TTC6: variants seen among roughly 807,000 people sequenced by gnomAD.
TTC6 encodes the protein tetratricopeptide repeat protein 6.
A neutral mutation model predicts 210.4 loss-of-function variants in TTC6; 172 were observed. The observed-to-expected ratio is 0.82, with a 90% CI of 0.72 to 0.93. The LOEUF (loss-of-function observed/expected upper bound fraction) is 0.93, where lower values mean the gene tolerates loss of function less well. TTC6 is among the 40% of genes least tolerant of loss of function. The pLI is 0.00. For missense variants in TTC6, 2,414 were observed against 2,318.1 expected (o/e 1.04, Z -0.85); for synonymous variants, 804 against 819.6 (o/e 0.98, Z 0.32).
chr14:37,695,720 A>G (rs1425110215), intron 3 of TTC6, among the ~76,000 whole-genome samples: 1 of 152,180 alleles, frequency 6.6e-6, no homozygotes, highest in African/African-American at 2.4e-5. Flanking sequence ...TTTGTAACAC[A>G]AAGGAAAAAT....
chr14:37,672,130 A>T (rs1333978115), intron 1 of TTC6, among the ~76,000 whole-genome samples: 1 of 152,198 alleles, frequency 6.6e-6, no homozygotes, highest in Non-Finnish European at 1.5e-5. Flanking sequence ...AAAGAGGCAT[A>T]TTAACTTTCA....
At chr14:37,770,374 C>T (rs1274131007) in intron 14 of TTC6, among the ~76,000 whole-genome samples, 1 of 152,112 alleles carries the variant, frequency 6.6e-6, no homozygotes, top group African/African-American at 2.4e-5. Flanking sequence ...CTTTCTGTCT[C>T]ATTGAACTGT....
chr14:37,731,261 C>G (rs754424228), intron 7 of TTC6, among the ~76,000 whole-genome samples: 4 of 152,184 alleles, frequency 2.6e-5, no homozygotes, highest in Admixed American at 2.6e-4. Flanking sequence ...GCTGACAGCA[C>G]TATAACTCAT....
intron 23 of TTC6, among the ~76,000 whole-genome samples, 175 bp downstream of exon 25, chr14:37,807,635 TG>T (rs1251146533): frequency 6.6e-6 from 1 of 152,152 alleles, no homozygotes; most frequent in Non-Finnish European, 1.5e-5. Context: ...CACAAAATAA[TG>T]GTATTTATTT....
chr14:37,771,103 CT>C (rs1471278067), intron 14 of TTC6, among the ~76,000 whole-genome samples: 1 of 150,858 alleles, frequency 6.6e-6, no homozygotes, highest in Non-Finnish European at 1.5e-5. Context: ...GTTGAAAATT[CT>C]TTTCTTTAAG....
intron 5 of TTC6, among the ~76,000 whole-genome samples, chr14:37,713,767 G>A (rs1222959182): frequency 6.6e-6 from 1 of 152,084 alleles, no homozygotes; most frequent in Non-Finnish European, 1.5e-5. Context: ...CTTAACAGCA[G>A]GTATCATGGG....
chr14:37,825,844 C>T (rs2096169818), intron 27 of TTC6, among the ~76,000 whole-genome samples: 1 of 152,002 alleles, frequency 6.6e-6, no homozygotes, highest in Non-Finnish European at 1.5e-5. Context: ...AATACAATCC[C>T]TCCTTATGTG....
Position 37,839,223 on chromosome 14 carries a change from T to G in TTC6, c.5299-2222T>G, listed in dbSNP as rs1248289795. 2.6e-5 allele frequency among the ~76,000 whole-genome samples: 4 copies of G among 152,372 alleles called. No homozygotes were observed. In the East Asian group the frequency reaches 7.7e-4, roughly 29 times the overall value. ...TCCAGATCCTTGAGGAATCACCCAC[T>G]GTCTTCCACAATGGTTGAACTAATT... On this transcript the variant is annotated intron_variant, in intron 29 of 30. Coordinates refer to ENST00000553443, the Ensembl canonical transcript of TTC6.
chr14:37,786,333 C>A (rs920617299), intron 14 of TTC6, among the ~76,000 whole-genome samples: 7 of 152,314 alleles, frequency 4.6e-5, no homozygotes, highest in African/African-American at 1.7e-4. Context: ...TGGCAGCCGC[C>A]CCTCACCCAG....
chr14:37,682,032 T>C lies in TTC6; in HGVS notation c.1051-726T>C, dbSNP rs1475061491. 2.0e-5 allele frequency among the ~76,000 whole-genome samples: 3 copies of C among 152,068 alleles called. No homozygotes were observed. In the East Asian group the frequency reaches 5.8e-4, roughly 29 times the overall value. On this transcript the variant is annotated intron_variant, in intron 2 of 30. Coordinates refer to ENST00000553443, the Ensembl canonical transcript of TTC6. The stretch of plus-strand genomic sequence containing the variant: ...TGTGGTGACCATAGAAGCTGTGTTC[T>C]GGTGTGAAGGAACTACAACCTGGAA...
At chr14:37,812,615 G>C (rs954417446) in intron 25 of TTC6, among the ~76,000 whole-genome samples, 182 bp downstream of exon 27, 6 of 132,680 alleles carry the variant, frequency 4.5e-5, no homozygotes, top group Non-Finnish European at 1.1e-4. Context: ...TTTTTGCTTT[G>C]TTTGGATTAC....
chr14:37,837,443 C>CT (rs2096200324), intron 29 of TTC6: 1 of 447,084 alleles, frequency 2.2e-6, no homozygotes, highest in African/African-American at 2.3e-5. Flanking sequence ...TCAATTCTGT[C>CT]CCCCCTCCCC....
At chr14:37,693,564 A>T (rs561286759) in intron 3 of TTC6, among the ~76,000 whole-genome samples, 1 of 152,210 alleles carries the variant, frequency 6.6e-6, no homozygotes, top group East Asian at 1.9e-4. Flanking sequence ...AACCAAAACT[A>T]TCCTAAGCAA....
Position 37,791,560 on chromosome 14 carries a change from C to T in TTC6, c.3558-704C>T, listed in dbSNP as rs912702162. On this transcript the variant is annotated intron_variant, in intron 16 of 30. Transcript: ENST00000553443. ...CAGGAAATTCATGGAGCATGGCTCCCATAATGACCACAGTGGTTTTCTTTT... is the reference window on the plus strand; with the variant it reads ...CAGGAAATTCATGGAGCATGGCTCCTATAATGACCACAGTGGTTTTCTTTT... 7.2e-5 allele frequency among the ~76,000 whole-genome samples: 11 copies of T among 152,146 alleles called. No individual in the cohort carries two copies. The South Asian group carries it at 1.2e-3, about 17-fold the overall frequency.
intron 29 of TTC6, among the ~76,000 whole-genome samples, chr14:37,834,680 CT>C (rs1291392250): frequency 2.0e-5 from 3 of 152,032 alleles, no homozygotes; most frequent in African/African-American, 7.2e-5. Flanking sequence ...CACAAAATTT[CT>C]TTTCTTTGGG....
chr14:37,625,420 C>T (rs897466749), intron 1 of TTC6, among the ~76,000 whole-genome samples: 1 of 151,842 alleles, frequency 6.6e-6, no homozygotes, highest in Non-Finnish European at 1.5e-5. Context: ...TGGTGGCAGG[C>T]GCCTGTAATC....
In TTC6 at chr14:37,636,691, A is replaced by G. The variant is rs117267042; in HGVS notation, c.939+13688A>G. 1.2e-3 allele frequency among the ~76,000 whole-genome samples: 184 copies of G among 152,346 alleles called. 3 individuals are homozygous for G. The East Asian group carries it at 0.033, about 27-fold the overall frequency. ...CATCAGATCAATTATCTAACTTTCC[A>G]CCTAATGTTATAATGGCTGGTTTAC... On this transcript the variant is annotated intron_variant, in intron 1 of 30. Coordinates refer to ENST00000553443, the Ensembl canonical transcript of TTC6.
chr14:37,796,351 A>C (rs1369052350), exon 19 of TTC6: 2 of 1,229,266 alleles, frequency 1.6e-6, no homozygotes, highest in Non-Finnish European at 2.3e-6. Context: ...CTATTTATCA[A>C]ATAGCAGAAA....
chr14:37,622,483 CCT>C lies in TTC6; in HGVS notation c.421_422del (p.Ser141GlyfsTer193). 2 of 1,535,282 alleles carry C rather than the reference CCT, an allele frequency of 1.3e-6. No homozygotes were observed. Among genetic ancestry groups the C allele is most frequent in the Non-Finnish European group, 1.7e-6 (2 of 1,146,558 alleles). ...GCCCTGAAAAAGCCCCCAGTCATCG[CCT>C]CGGGGTTCGGCACGGCCAGACCCGT... is the stretch of plus-strand genomic sequence containing the variant. On this transcript the variant is annotated frameshift_variant, in exon 1 of 31. Coordinates refer to ENST00000553443, the Ensembl canonical transcript of TTC6. LOFTEE classifies it high-confidence loss of function.
Sources: allele counts gnomAD v4.1 joint callset (sites outside exome capture counted in the v4.1 genomes callset), GRCh38; gene constraint gnomAD v4.1.1; transcripts MANE v1.5; gene names NCBI Gene and HGNC (gene_info 2026-07-23, HGNC 2026-07-21).